Variants in CLCN3 observed in about 807,000 individuals in gnomAD.
CLCN3 encodes the protein H(+)/Cl(-) exchange transporter 3.
A neutral mutation model predicts 83.4 loss-of-function variants in CLCN3; 16 were observed. That is an observed-to-expected ratio of 0.19 (90% CI 0.13 to 0.29). The LOEUF is 0.29. Ranked by LOEUF, CLCN3 falls within the 10% of genes least tolerant of loss-of-function variation. CLCN3 has a pLI of 1.00. For synonymous variants in CLCN3, 322 were observed against 346.2 expected (o/e 0.93, Z 0.78); for missense variants, 544 against 1,006.0 (o/e 0.54, Z 6.21).
intron 2 of CLCN3, among the ~76,000 whole-genome samples, chr4:169,648,635 G>C (rs1730643054): frequency 6.6e-6 from 1 of 152,170 alleles, no homozygotes; most frequent in South Asian, 2.1e-4. Flanking sequence ...AGAATGATGT[G>C]TCCTTCTCTT....
intron 10 of CLCN3, among the ~76,000 whole-genome samples, chr4:169,705,433 A>G (rs1214913799): frequency 6.6e-6 from 1 of 152,180 alleles, no homozygotes; most frequent in African/African-American, 2.4e-5. Flanking sequence ...TGGCTTTGCC[A>G]TTTTTAGTTT....
intron 5 of CLCN3, 119 bp downstream of exon 5, chr4:169,689,349 C>T: frequency 1.3e-6 from 1 of 762,258 alleles, no homozygotes; most frequent in East Asian, 3.0e-5. Context: ...ATGGATCCAC[C>T]CTCAACACAT....
At chr4:169,712,758 C>T (rs1733271562) in intron 11 of CLCN3, among the ~76,000 whole-genome samples, 1 of 152,166 alleles carries the variant, frequency 6.6e-6, no homozygotes, top group African/African-American at 2.4e-5. Context: ...GTTTTAAAAT[C>T]CCGTATTCCA....
intron 2 of CLCN3, among the ~76,000 whole-genome samples, chr4:169,666,841 A>G (rs758540079): frequency 8.5e-5 from 13 of 152,218 alleles, no homozygotes; most frequent in Admixed American, 2.6e-4. Flanking sequence ...AGTGGAGATA[A>G]TAATATCTGT....
At chr4:169,698,739 C>T (rs746571579) in intron 9 of CLCN3, among the ~76,000 whole-genome samples, 1 of 152,174 alleles carries the variant, frequency 6.6e-6, no homozygotes, top group East Asian at 1.9e-4. Flanking sequence ...TAATATCTTA[C>T]AGTTCTGCAA....
At chr4:169,659,526 C>T (rs1056730619) in intron 2 of CLCN3, among the ~76,000 whole-genome samples, 2 of 152,126 alleles carry the variant, frequency 1.3e-5, no homozygotes, top group South Asian at 2.1e-4. Context: ...AGTTTAGACA[C>T]ATACAATAGT....
At chr4:169,659,833 A>C (rs1228835975) in intron 2 of CLCN3, among the ~76,000 whole-genome samples, 1 of 152,112 alleles carries the variant, frequency 6.6e-6, no homozygotes, top group Admixed American at 6.6e-5. Flanking sequence ...AAACTAGTAC[A>C]TTCTCTCGTA....
intron 7 of CLCN3, among the ~76,000 whole-genome samples, chr4:169,693,016 C>A (rs1284858266): frequency 2.0e-5 from 3 of 152,092 alleles, no homozygotes; most frequent in Non-Finnish European, 4.4e-5. Context: ...GAGCCCAGTC[C>A]CTTCCTATTT....
At chr4:169,671,546 A>G (rs1312750059) in intron 2 of CLCN3, among the ~76,000 whole-genome samples, 5 of 152,220 alleles carry the variant, frequency 3.3e-5, no homozygotes, top group African/African-American at 1.2e-4. Context: ...GCAAACCACC[A>G]TGGCACATGT....
At chr4:169,691,086 C>T (rs1436606726) in intron 6 of CLCN3, among the ~76,000 whole-genome samples, 2 of 152,040 alleles carry the variant, frequency 1.3e-5, no homozygotes, top group African/African-American at 2.4e-5. Context: ...GCAACCTCTG[C>T]GTCCCAGGCT....
At chr4:169,638,097 T>C (rs1008984802) in intron 2 of CLCN3, among the ~76,000 whole-genome samples, 2 of 152,224 alleles carry the variant, frequency 1.3e-5, no homozygotes, top group Non-Finnish European at 2.9e-5. Context: ...ATTTGTTTTC[T>C]GTTTGTCACA....
chr4:169,711,276 A>G (rs1302747284), intron 11 of CLCN3, among the ~76,000 whole-genome samples: 1 of 152,190 alleles, frequency 6.6e-6, no homozygotes, highest in African/African-American at 2.4e-5. Flanking sequence ...CAGTTGTTAG[A>G]TTGTTATGAG....
At chr4:169,657,493 T>G (rs188887310) in intron 2 of CLCN3, among the ~76,000 whole-genome samples, 96 of 152,346 alleles carry the variant, frequency 6.3e-4, no homozygotes, top group Non-Finnish European at 1.2e-3. Context: ...TAAAATTTAT[T>G]TTTATTGTTT....
At chr4:169,667,347 ATAATTT>A (rs1445156633) in intron 2 of CLCN3, among the ~76,000 whole-genome samples, 1 of 152,192 alleles carries the variant, frequency 6.6e-6, no homozygotes, top group Non-Finnish European at 1.5e-5. Context: ...AGAATAATGA[ATAATTT>A]TAAGTAATTT....
chr4:169,644,406 C>T (rs939812228), intron 2 of CLCN3, among the ~76,000 whole-genome samples: 2 of 151,908 alleles, frequency 1.3e-5, no homozygotes, highest in South Asian at 4.1e-4. Flanking sequence ...TACAGATGTA[C>T]ACCACCACGC....
chr4:169,642,085 A>ATT (rs931433696), intron 2 of CLCN3, among the ~76,000 whole-genome samples: 2 of 148,418 alleles, frequency 1.3e-5, no homozygotes, highest in East Asian at 2.0e-4. Context: ...TTTAAAATTT[A>ATT]TTTTTTTTTT....
chr4:169,622,670 TC>T (rs768137624), intron 1 of CLCN3, among the ~76,000 whole-genome samples: 14 of 152,352 alleles, frequency 9.2e-5, no homozygotes, highest in Non-Finnish European at 1.8e-4. Context: ...CTTTCACTAA[TC>T]CCGTTTTACA....
intron 2 of CLCN3, among the ~76,000 whole-genome samples, chr4:169,679,256 C>T (rs555637537): frequency 5.4e-4 from 78 of 144,862 alleles, no homozygotes; most frequent in Middle Eastern, 8.7e-3. Context: ...CCAGAGGGGG[C>T]GGCCGGGCAG....
intron 7 of CLCN3, among the ~76,000 whole-genome samples, chr4:169,695,393 A>G (rs1732527246): frequency 6.6e-6 from 1 of 152,178 alleles, no homozygotes; most frequent in Admixed American, 6.5e-5. Flanking sequence ...ATTTTTTTTA[A>G]CTGAATGGTA....
Sources: gnomAD v4.1 joint callset for allele counts (sites outside exome capture counted in the v4.1 genomes callset) on GRCh38, gnomAD v4.1.1 for gene constraint, MANE v1.5 for transcripts, NCBI Gene and HGNC (gene_info 2026-07-23, HGNC 2026-07-21) for gene names.